SLCO3A1: variants seen among roughly 807,000 people sequenced by gnomAD.
SLCO3A1 encodes solute carrier organic anion transporter family member 3A1.
In SLCO3A1, 27 loss-of-function variants were observed where a neutral mutation model predicts 63.1. That is an observed-to-expected ratio of 0.43 (90% CI 0.32 to 0.59). The LOEUF (loss-of-function observed/expected upper bound fraction) is 0.59. Among genes scored for constraint, SLCO3A1 ranks in the 20% least tolerant of loss-of-function variants. The probability of loss-of-function intolerance (pLI) is 0.09; values close to 1 mark genes in which losing one functional copy is unlikely to be tolerated. For missense variants in SLCO3A1, 773 were observed against 945.8 expected (o/e 0.82, Z 2.40); for synonymous variants, 473 against 409.9 (o/e 1.15, Z -1.86).
intron 2 of SLCO3A1, among the ~76,000 whole-genome samples, chr15:91,969,808 A>G (rs576164074): frequency 8.5e-5 from 13 of 152,250 alleles, no homozygotes; most frequent in African/African-American, 2.9e-4. Context: ...AGCTATGTCT[A>G]TGGTTTCCTG....
rs1211302925 is a variant in SLCO3A1 at position 91,875,499 on chromosome 15, C to T, written c.180+21411C>T. On this transcript the variant is annotated intron_variant, in intron 1 of 9. Transcript: ENST00000318445. This position sits in a 1 kb window ranked among gnomAD's most constrained non-coding sequence, Gnocchi z 4.5. ...GTGACGTAAACCTAGGTTGGTTCCT[C>T]CCCCGTCAGTTGGAGATGATTAAAG... Among the ~76,000 whole-genome samples the T allele has an allele frequency of 6.6e-5, 10 of 152,208 alleles. No homozygotes were observed. Among genetic ancestry groups the T allele is most frequent in the Admixed American group, 6.5e-4 (10 of 15,284 alleles).
At chr15:92,170,532 C>G (rs1166192571), downstream of SLCO3A1, among the ~76,000 whole-genome samples, 1 of 152,236 alleles carries the variant, frequency 6.6e-6, no homozygotes, top group Non-Finnish European at 1.5e-5. Context: ...AGTGACAGAT[C>G]TGACTCCTAA....
At chr15:92,103,215 C>T (rs1386135869) in intron 3 of SLCO3A1, among the ~76,000 whole-genome samples, 2 of 152,182 alleles carry the variant, frequency 1.3e-5, no homozygotes, top group Non-Finnish European at 2.9e-5. Flanking sequence ...TTACCTCATA[C>T]ACCATTGCCC....
chr15:92,015,503 T>C (rs141206981), intron 2 of SLCO3A1, among the ~76,000 whole-genome samples: 1 of 152,110 alleles, frequency 6.6e-6, no homozygotes, highest in African/African-American at 2.4e-5. Flanking sequence ...ACCGCCCCCA[T>C]GATCCAATCA....
chr15:91,921,143 G>T (rs549855272), intron 2 of SLCO3A1, among the ~76,000 whole-genome samples: 1 of 152,180 alleles, frequency 6.6e-6, no homozygotes, highest in Non-Finnish European at 1.5e-5. Context: ...CAGGGTTGGC[G>T]TCCTCTGAGG....
At chr15:92,153,954 C>T (rs563950980) in intron 9 of SLCO3A1, among the ~76,000 whole-genome samples, 2 of 152,230 alleles carry the variant, frequency 1.3e-5, no homozygotes, top group East Asian at 1.9e-4. Context: ...TGACCTTTAT[C>T]TTGGGAGGGT....
At chr15:92,076,124 G>A (rs542800689) in intron 2 of SLCO3A1, among the ~76,000 whole-genome samples, 24 of 152,282 alleles carry the variant, frequency 1.6e-4, no homozygotes, top group African/African-American at 4.8e-4. Context: ...GTCAGCAAGC[G>A]GCCGTGTCCC....
Position 92,164,302 on chromosome 15 carries a change from G to A in SLCO3A1, c.*1167G>A. On this transcript the variant is annotated 3_prime_UTR_variant, in exon 10 of 10. Coordinates refer to ENST00000318445, the MANE Select transcript of SLCO3A1 (RefSeq NM_013272.4). ...TTCTACAAAAACAAGAATATACAAT[G>A]TGTTACAAGAAGAAAAAAAAATGCT... The A allele has an allele frequency of 4.1e-6, 4 of 984,428 alleles. No homozygotes were observed. The highest frequency in any genetic ancestry group is 4.8e-6 in the Non-Finnish European group (4 of 829,102). The allele number at this position is 984,428 out of a possible 1,614,324, so 61.0% of individuals were successfully genotyped here.
chr15:91,854,293 T>C lies in SLCO3A1; in HGVS notation c.180+205T>C, dbSNP rs1896854129. 1 of 1,157,744 alleles carries C rather than the reference T, an allele frequency of 8.6e-7. No individual in the cohort carries two copies. Among genetic ancestry groups the C allele is most frequent in the Non-Finnish European group, 1.1e-6 (1 of 939,042 alleles). 71.7% of individuals were successfully genotyped at this position (1,157,744 alleles called of 1,614,324 possible). A position where few individuals can be genotyped will look rare whatever the true frequency, so the allele number is the denominator to read the frequency against. On this transcript the variant is annotated intron_variant, in intron 1 of 9. Coordinates refer to ENST00000318445, the MANE Select transcript of SLCO3A1 (RefSeq NM_013272.4). This position sits in a 1 kb window ranked among gnomAD's most constrained non-coding sequence, Gnocchi z 6.4. ...AGCGAGCGGGTAGCGGGCGGGACCG[T>C]TGATGCCGGTAGCAGCTCGCGCGCG...
intron 2 of SLCO3A1, among the ~76,000 whole-genome samples, chr15:91,962,875 C>A (rs1222098938): frequency 4.6e-5 from 7 of 152,144 alleles, no homozygotes; most frequent in Non-Finnish European, 7.4e-5. Context: ...GAAAACATCG[C>A]CAGACCAACT....
At chr15:92,074,639 G>C (rs2047255154) in intron 2 of SLCO3A1, among the ~76,000 whole-genome samples, 2 of 152,132 alleles carry the variant, frequency 1.3e-5, no homozygotes, top group African/African-American at 4.8e-5. Flanking sequence ...GAACCCCGAT[G>C]CTCAGATTTC....
chr15:91,884,875 T>G (rs1423083185), intron 1 of SLCO3A1, among the ~76,000 whole-genome samples: 3 of 152,088 alleles, frequency 2.0e-5, no homozygotes, highest in Non-Finnish European at 4.4e-5. Flanking sequence ...TTTAAGCTGA[T>G]TCTTTTAGAC....
At chr15:92,167,893 G>A (rs1407885470), downstream of SLCO3A1, among the ~76,000 whole-genome samples, 1 of 152,202 alleles carries the variant, frequency 6.6e-6, no homozygotes, top group African/African-American at 2.4e-5. Flanking sequence ...ATGGAGACAG[G>A]GACAACTCAC....
chr15:92,023,790 A>C (rs997391263), intron 2 of SLCO3A1, among the ~76,000 whole-genome samples: 1 of 152,200 alleles, frequency 6.6e-6, no homozygotes, highest in African/African-American at 2.4e-5. Context: ...TTCATAAACA[A>C]ACTTAACTTT....
At chr15:92,152,731 CACATATGCATTTGTTCAA>C (rs1434884502) in intron 9 of SLCO3A1, among the ~76,000 whole-genome samples, 1 of 152,136 alleles carries the variant, frequency 6.6e-6, no homozygotes, top group African/African-American at 2.4e-5. Context: ...AAAGCCATTC[CACATATGCATTTGTTCAA>C]GAAGCTAATG....
intron 2 of SLCO3A1, among the ~76,000 whole-genome samples, chr15:91,937,317 C>T (rs1371172851): frequency 6.6e-6 from 1 of 152,178 alleles, no homozygotes; most frequent in Non-Finnish European, 1.5e-5. Flanking sequence ...TGCCAGGCCC[C>T]ATGGGGAACA....
rs1013787532 is a variant in SLCO3A1 at position 91,863,732 on chromosome 15, T to C, written c.180+9644T>C. On this transcript the variant is annotated intron_variant, in intron 1 of 9. Coordinates refer to ENST00000318445, the MANE Select transcript of SLCO3A1 (RefSeq NM_013272.4). The surrounding 1 kb of genome is among the most constrained non-coding windows in gnomAD (Gnocchi z 4.3). ...AAGGGAGCCAGGCCCATGAAATAGA[T>C]GTAGAAGAGCTTCAGAGAAGCCTCT... is the stretch of plus-strand genomic sequence containing the variant. Among the ~76,000 whole-genome samples, 22 of 152,134 alleles carry C rather than the reference T, an allele frequency of 1.4e-4. No individual in the cohort carries two copies. Among genetic ancestry groups the C allele is most frequent in the African/African-American group, 5.3e-4 (22 of 41,414 alleles).
At chr15:91,981,259 T>G (rs2045980643) in intron 2 of SLCO3A1, among the ~76,000 whole-genome samples, 1 of 152,204 alleles carries the variant, frequency 6.6e-6, no homozygotes, top group South Asian at 2.1e-4. Context: ...CATTTCTCCC[T>G]GCTCCTTTGT....
intron 2 of SLCO3A1, among the ~76,000 whole-genome samples, chr15:91,990,077 G>C (rs142122038): frequency 2.6e-5 from 4 of 152,286 alleles, no homozygotes; most frequent in South Asian, 4.1e-4. Context: ...GCATACCATA[G>C]ATTTTTAAAA....
Sources: gnomAD v4.1 joint callset for allele counts (sites outside exome capture counted in the v4.1 genomes callset) on GRCh38, gnomAD v4.1.1 for gene constraint, Gnocchi (gnomAD v3.1) non-coding constraint, MANE v1.5 for transcripts, NCBI Gene and HGNC (gene_info 2026-07-23, HGNC 2026-07-21) for gene names.